NEK5: variants seen among roughly 807,000 people sequenced by gnomAD.
The protein encoded by NEK5 is serine/threonine-protein kinase Nek5.
In NEK5, 88 loss-of-function variants were observed where a neutral mutation model predicts 109.2. The ratio of observed to expected loss-of-function variants is 0.81; its 90% CI spans 0.68 to 0.96. The LOEUF (loss-of-function observed/expected upper bound fraction) is 0.96, where lower values mean the gene tolerates loss of function less well. Ranked by LOEUF, NEK5 falls within the 40% of genes least tolerant of loss-of-function variation. The probability of loss-of-function intolerance (pLI) is 0.00; values close to 1 mark genes in which losing one functional copy is unlikely to be tolerated. For missense variants in NEK5, 834 were observed against 920.7 expected (o/e 0.91, Z 1.22); for synonymous variants, 283 against 299.9 (o/e 0.94, Z 0.58).
intron 21 of NEK5, among the ~76,000 whole-genome samples, chr13:52,064,231 G>T (rs1954647519): frequency 7.1e-6 from 1 of 140,050 alleles, no homozygotes; most frequent in Non-Finnish European, 1.6e-5. Flanking sequence ...GAGGTGGGGG[G>T]GTCAGCCCCC....
chr13:52,048,878 C>T (rs1954479785), intron 23 of NEK5, among the ~76,000 whole-genome samples: 2 of 152,118 alleles, frequency 1.3e-5, no homozygotes, highest in Admixed American at 1.3e-4. Flanking sequence ...GAAAATTTCA[C>T]TTAGACAGGT....
chr13:52,089,451 C>T (rs1593962456), intron 13 of NEK5, 138 bp from the exon 14 acceptor site: 1 of 595,950 alleles, frequency 1.7e-6, no homozygotes, highest in East Asian at 3.0e-5. Flanking sequence ...AAGTAGTTCA[C>T]AGTTACAGAA....
chr13:52,071,384 T>A (rs1230299100), intron 20 of NEK5, among the ~76,000 whole-genome samples: 5 of 152,212 alleles, frequency 3.3e-5, no homozygotes, highest in Non-Finnish European at 4.4e-5. Context: ...TCCTCCAATA[T>A]GACCCTATAA....
chr13:52,115,981 G>C (rs1955850429), intron 4 of NEK5, among the ~76,000 whole-genome samples: 1 of 152,184 alleles, frequency 6.6e-6, no homozygotes, highest in African/African-American at 2.4e-5. Context: ...TTTGAGACCA[G>C]CCTGGGCAAC....
rs1271286475 is a variant in NEK5 at position 52,035,205 on chromosome 13, ACT to A, written c.*1741_*1742del. On this transcript the variant is annotated 3_prime_UTR_variant, in exon 24 of 24. Transcript: ENST00000684899. ...ATTCTCCCTAAAAGAGTAGACTGTA[ACT>A]CTACACCAAGTTGAAAGAACAGTCT... 6.6e-6 allele frequency: 1 copy of A among 152,040 alleles called. No homozygotes were observed. Among genetic ancestry groups the A allele is most frequent in the Non-Finnish European group, 1.5e-5 (1 of 67,996 alleles). 9.4% of individuals were successfully genotyped at this position (152,040 alleles called of 1,614,324 possible).
At chr13:52,107,825 A>G (rs375101093) in intron 8 of NEK5, among the ~76,000 whole-genome samples, 26 of 152,312 alleles carry the variant, frequency 1.7e-4, no homozygotes, top group African/African-American at 5.5e-4. Context: ...CTAAACCTCC[A>G]TGATTTAGCA....
At chr13:52,113,948 C>T (rs1566820137) in intron 4 of NEK5, among the ~76,000 whole-genome samples, 2 of 152,202 alleles carry the variant, frequency 1.3e-5, no homozygotes, top group South Asian at 2.1e-4. Flanking sequence ...CTGCCTGCAC[C>T]TTGATCTTGC....
intron 7 of NEK5, 45 bp from the exon 8 acceptor site, chr13:52,108,449 G>A: frequency 7.9e-7 from 1 of 1,262,246 alleles, no homozygotes; most frequent in Non-Finnish European, 1.1e-6. Flanking sequence ...TTTTTTATTG[G>A]AGTAAGAAAA....
At chr13:52,066,814 A>C (rs1441304823) in intron 20 of NEK5, among the ~76,000 whole-genome samples, 1 of 152,076 alleles carries the variant, frequency 6.6e-6, no homozygotes, top group East Asian at 1.9e-4. Context: ...AAAAAAAAAA[A>C]AAAATGACCT....
intron 17 of NEK5, chr13:52,082,326 A>G (rs1372511210): frequency 5.6e-6 from 6 of 1,075,450 alleles, no homozygotes; most frequent in Non-Finnish European, 6.1e-6. Flanking sequence ...AAAAAAAAAG[A>G]TAATAATAAT....
intron 16 of NEK5, among the ~76,000 whole-genome samples, chr13:52,084,816 T>TGTGTA (rs1955105588): frequency 7.8e-6 from 1 of 127,428 alleles, no homozygotes; most frequent in Non-Finnish European, 1.7e-5. Context: ...TGTGTGTGTG[T>TGTGTA]TTAGAGCTAG....
intron 23 of NEK5, among the ~76,000 whole-genome samples, chr13:52,043,151 A>T (rs1954428139): frequency 6.6e-6 from 1 of 152,100 alleles, no homozygotes; most frequent in African/African-American, 2.4e-5. Context: ...ACCAAATAGA[A>T]CTTAATGCAA....
At position 52,093,180 on chromosome 13, in the gene NEK5, T is replaced by A; in HGVS notation, c.1082A>T (p.Tyr361Phe). 6.2e-7 allele frequency: 1 copy of A among 1,613,656 alleles called. No homozygotes were observed. The highest frequency in any genetic ancestry group is 1.3e-5 in the African/African-American group (1 of 74,996). Reference sequence around the variant, plus strand: ...CCTCAGCATATCAAGTTGAGCATAATAATAATCATAATGTCCACAGACAGC... The same window carrying A: ...CCTCAGCATATCAAGTTGAGCATAAAAATAATCATAATGTCCACAGACAGC... ...IAAVCGHYDY[Y>F]YAQLDMLRRR... Residue 361 changes from tyrosine (Y) to phenylalanine (F), a missense_variant, in exon 13 of 24, where the codon TAT (tyrosine) becomes TTT (phenylalanine). By Grantham distance (22) the Tyr-to-Phe change is conservative (BLOSUM62 3). Coordinates refer to ENST00000684899, the MANE Select transcript of NEK5 (RefSeq NM_001365552.1).
At chr13:52,087,582 T>C (rs1694006857) in intron 14 of NEK5, 128 bp from the exon 15 acceptor site, 1 of 518,148 alleles carries the variant, frequency 1.9e-6, no homozygotes, top group African/African-American at 1.9e-5. Flanking sequence ...GGAGTTTTTT[T>C]TGTGGTAAGT....
In NEK5 at chr13:52,127,449, G is replaced by T. The variant is rs778553237; in HGVS notation, c.34C>A (p.Gln12Lys). ...AAGTATGCTTTCCCGAAGGCACCTT[G>T]CCCGATGGCCTTAATCACATCGTAC... ...DKYDVIKAIG[Q>K]GAFGKAYLAK... The change falls in exon 3 of 24, where the codon CAA becomes AAA. Residue 12 changes from glutamine (Q) to lysine (K), a missense_variant. Physicochemically the swap from Gln to Lys is moderately conservative, Grantham distance 53 (BLOSUM62 1). Around this residue, in one of 2 missense-constraint regions of NEK5, gnomAD observed 777 missense variants for 824.7 expected, o/e 0.94. Coordinates refer to ENST00000684899, the MANE Select transcript of NEK5 (RefSeq NM_001365552.1). 1.2e-6 allele frequency: 2 copies of T among 1,611,116 alleles called. No homozygotes were observed. The highest frequency in any genetic ancestry group is 2.2e-5 in the South Asian group (2 of 91,018).
chr13:52,081,649 C>T (rs1955016167), intron 17 of NEK5, among the ~76,000 whole-genome samples: 1 of 152,156 alleles, frequency 6.6e-6, no homozygotes, highest in Non-Finnish European at 1.5e-5. Context: ...AATCCAGATA[C>T]CACCAATTAC....
At chr13:52,063,718 G>A (rs1396036518) in intron 21 of NEK5, among the ~76,000 whole-genome samples, 6 of 127,792 alleles carry the variant, frequency 4.7e-5, no homozygotes, top group African/African-American at 1.1e-4. Context: ...GCCTCTGCCC[G>A]GCCGCGACCC....
chr13:52,059,861 G>GAGTT, intron 22 of NEK5, among the ~76,000 whole-genome samples: 1 of 152,070 alleles, frequency 6.6e-6, no homozygotes, highest in South Asian at 2.1e-4. Flanking sequence ...GCTTGATGAC[G>GAGTT]AGTTAGTGGG....
At chr13:52,040,805 G>A (rs1010511946) in intron 23 of NEK5, among the ~76,000 whole-genome samples, 3 of 152,042 alleles carry the variant, frequency 2.0e-5, no homozygotes, top group African/African-American at 7.2e-5. Flanking sequence ...ACCCCTTAAT[G>A]TTAATTTTAG....
Sources: gnomAD v4.1 joint callset for allele counts (sites outside exome capture counted in the v4.1 genomes callset) on GRCh38, gnomAD v4.1.1 for gene constraint, gnomAD v4.1.1 regional missense constraint, MANE v1.5 for transcripts, NCBI Gene and HGNC (gene_info 2026-07-23, HGNC 2026-07-21) for gene names.